PTPRD: variants seen among roughly 807,000 people sequenced by gnomAD.
The protein encoded by PTPRD is receptor-type tyrosine-protein phosphatase delta.
PTPRD carries 34 observed loss-of-function variants against 214.5 expected under a neutral mutation model. The ratio of observed to expected loss-of-function variants is 0.16; its 90% CI spans 0.12 to 0.21. The LOEUF (loss-of-function observed/expected upper bound fraction) is 0.21, where lower values mean the gene tolerates loss of function less well. Ranked by LOEUF, PTPRD falls within the 10% of genes least tolerant of loss-of-function variation. The probability of loss-of-function intolerance (pLI) is 1.00; values close to 1 mark genes in which losing one functional copy is unlikely to be tolerated. For synonymous variants in PTPRD, 1,128 were observed against 845.7 expected, an observed-to-expected ratio of 1.33 and a Z score of -5.79; for missense variants, 2,545 against 2,398.7, an observed-to-expected ratio of 1.06 and a Z score of -1.27.
At chr9:8,425,307 T>G (rs2094589355) in intron 35 of PTPRD, among the ~76,000 whole-genome samples, 1 of 152,152 alleles carries the variant, frequency 6.6e-6, no homozygotes, top group South Asian at 2.1e-4. Context: ...TACTTGGAGT[T>G]TCAGGAGGAA....
chr9:8,687,335 T>C (rs1383616822), intron 12 of PTPRD, among the ~76,000 whole-genome samples: 2 of 152,234 alleles, frequency 1.3e-5, no homozygotes, highest in Admixed American at 6.5e-5. Flanking sequence ...CAGAAATTTA[T>C]GAGGAATGAA....
At chr9:9,951,385 A>G (rs2093438955) in intron 4 of PTPRD, among the ~76,000 whole-genome samples, 1 of 152,214 alleles carries the variant, frequency 6.6e-6, no homozygotes, top group African/African-American at 2.4e-5. Flanking sequence ...TAGGCCTGTA[A>G]ACACCATCTA....
chr9:10,208,556 T>A (rs1016115732), intron 3 of PTPRD, among the ~76,000 whole-genome samples: 4 of 152,110 alleles, frequency 2.6e-5, no homozygotes, highest in Non-Finnish European at 5.9e-5. Context: ...GAACAGAAAC[T>A]CTGAACACAT....
intron 4 of PTPRD, among the ~76,000 whole-genome samples, chr9:10,029,980 T>C (rs745478045): frequency 2.0e-5 from 3 of 152,144 alleles, no homozygotes; most frequent in Non-Finnish European, 2.9e-5. Flanking sequence ...GTTCTCCTGA[T>C]AGTAAATAAG....
intron 10 of PTPRD, among the ~76,000 whole-genome samples, chr9:9,149,237 G>A (rs1407962005): frequency 6.6e-6 from 1 of 152,164 alleles, no homozygotes; most frequent in Non-Finnish European, 1.5e-5. Context: ...CTGCAAGGAT[G>A]ACATGAGATA....
At chr9:9,285,155 A>G (rs769368504) in intron 9 of PTPRD, among the ~76,000 whole-genome samples, 4 of 151,826 alleles carry the variant, frequency 2.6e-5, no homozygotes, top group Non-Finnish European at 5.9e-5. Flanking sequence ...GTATTCTTTT[A>G]CAATGGAAAA....
At chr9:9,088,607 A>AAAAAAAAAG (rs1569536884) in intron 10 of PTPRD, among the ~76,000 whole-genome samples, 1 of 148,576 alleles carries the variant, frequency 6.7e-6, no homozygotes, top group East Asian at 2.0e-4. Flanking sequence ...AAAAAAAAAA[A>AAAAAAAAAG]AAGAAGTCTG....
intron 35 of PTPRD, among the ~76,000 whole-genome samples, chr9:8,433,121 A>C (rs531029031): frequency 1.3e-5 from 2 of 152,306 alleles, no homozygotes; most frequent in African/African-American, 2.4e-5. Context: ...TTCAGTCCAC[A>C]ACAAACCACA....
chr9:9,378,953 TTATCTTCTCATTCTCTTGACATTG>T (rs1469517548), intron 9 of PTPRD, among the ~76,000 whole-genome samples: 8 of 151,734 alleles, frequency 5.3e-5, no homozygotes, highest in Admixed American at 2.6e-4. Flanking sequence ...ATTCTGTGGC[TTATCTTCTCATTCTCTTGACATTG>T]TATTTGAAAA....
intron 9 of PTPRD, among the ~76,000 whole-genome samples, chr9:9,228,392 T>G (rs2099960924): frequency 6.6e-6 from 1 of 152,068 alleles, no homozygotes; most frequent in Non-Finnish European, 1.5e-5. Context: ...AATACACATA[T>G]GTGCACACAT....
intron 35 of PTPRD, among the ~76,000 whole-genome samples, chr9:8,418,264 G>C (rs77744077): frequency 2.0e-3 from 302 of 150,390 alleles, no homozygotes; most frequent in African/African-American, 6.9e-3. Flanking sequence ...CTTTCAACAA[G>C]GTTCAGCTTA....
intron 8 of PTPRD, among the ~76,000 whole-genome samples, chr9:9,523,445 T>TAATA (rs961853796): frequency 2.6e-5 from 4 of 152,154 alleles, no homozygotes; most frequent in African/African-American, 9.7e-5. Context: ...GGCATTTTAG[T>TAATA]AATAAATAAA....
At chr9:8,319,778 G>A (rs2130686707) in intron 45 of PTPRD, 53 bp downstream of exon 45, 1 of 1,607,828 alleles carries the variant, frequency 6.2e-7, no homozygotes, top group Non-Finnish European at 8.5e-7. Context: ...GGGAGGTCCA[G>A]GCTAGCAAAA....
At chr9:10,507,778 T>G (rs1215509305) in intron 2 of PTPRD, among the ~76,000 whole-genome samples, 1 of 152,080 alleles carries the variant, frequency 6.6e-6, no homozygotes, top group African/African-American at 2.4e-5. Flanking sequence ...CCTTTCCTTA[T>G]GCCTTGTGCA....
chr9:9,620,937 C>T (rs1593257035), intron 7 of PTPRD, among the ~76,000 whole-genome samples: 1 of 151,742 alleles, frequency 6.6e-6, no homozygotes, highest in East Asian at 1.9e-4. Context: ...GAGGTAATAG[C>T]CTTTATTGCA....
intron 14 of PTPRD, among the ~76,000 whole-genome samples, chr9:8,579,535 G>C (rs770188039): frequency 6.6e-6 from 1 of 151,844 alleles, no homozygotes; most frequent in Non-Finnish European, 1.5e-5. Flanking sequence ...ATAAGTCCTG[G>C]GCAATAAAAG....
At chr9:9,241,752 T>C (rs75182105) in intron 9 of PTPRD, among the ~76,000 whole-genome samples, 34,887 of 151,412 alleles carry the variant, frequency 0.23, 4,501 homozygotes, top group Middle Eastern at 0.33. Context: ...CCATACGAGA[T>C]GGGTTTCCTG....
At chr9:10,372,490 C>G (rs2097646909) in intron 2 of PTPRD, among the ~76,000 whole-genome samples, 1 of 152,056 alleles carries the variant, frequency 6.6e-6, no homozygotes, top group African/African-American at 2.4e-5. Flanking sequence ...AGAGTGCCGC[C>G]TTGTTCCTGT....
rs562319828 is a variant in PTPRD, at chr9:10,607,656, T to G, written c.-600+4742A>C. On this transcript the variant is annotated intron_variant, in intron 2 of 45. Transcript: ENST00000381196. The stretch of plus-strand genomic sequence containing the variant: ...GCAACTCAAATATTCCTATCACATA[T>G]AGAAAACAATTGGTCATATTGATTT... Among the ~76,000 whole-genome samples the G allele has an allele frequency of 1.6e-4, 24 of 151,946 alleles. 1 individual carries two copies. The South Asian group carries it at 4.4e-3, about 28-fold the overall frequency.
Sources: gnomAD v4.1 joint callset for allele counts (sites outside exome capture counted in the v4.1 genomes callset) on GRCh38, gnomAD v4.1.1 for gene constraint, MANE v1.5 for transcripts, NCBI Gene and HGNC (gene_info 2026-07-23, HGNC 2026-07-21) for gene names.